Variants in TPRG1 observed in about 807,000 individuals in gnomAD.
The protein encoded by TPRG1 is tumor protein p63-regulated gene 1 protein.
In TPRG1, 29 loss-of-function variants were observed where a neutral mutation model predicts 29.3. That is an observed-to-expected ratio of 0.99 (90% CI 0.74 to 1.35). The LOEUF (loss-of-function observed/expected upper bound fraction) is 1.35. Among genes scored for constraint, TPRG1 ranks in the 40% most tolerant of loss-of-function variants. The probability of loss-of-function intolerance (pLI) is 0.00; values close to 1 mark genes in which losing one functional copy is unlikely to be tolerated. For missense variants in TPRG1, 327 were observed against 335.0 expected (o/e 0.98, Z 0.19); for synonymous variants, 130 against 116.8 (o/e 1.11, Z -0.73).
At chr3:189,056,077 C>G (rs543364535) in intron 4 of TPRG1, among the ~76,000 whole-genome samples, 1 of 135,244 alleles carries the variant, frequency 7.4e-6, no homozygotes, top group African/African-American at 2.8e-5. Flanking sequence ...TCCTTCCTTC[C>G]TTCCTTCCTT....
chr3:189,067,575 C>T (rs1357980448), intron 4 of TPRG1, among the ~76,000 whole-genome samples: 1 of 152,082 alleles, frequency 6.6e-6, no homozygotes, highest in Non-Finnish European at 1.5e-5. Context: ...GGGGAAAAGA[C>T]AGTCTCTTAA....
intron 1 of TPRG1, among the ~76,000 whole-genome samples, chr3:189,119,791 T>C (rs1044240228): frequency 6.6e-6 from 1 of 152,156 alleles, no homozygotes; most frequent in African/African-American, 2.4e-5. Flanking sequence ...CTGAACTGAG[T>C]CAATTAAACC....
chr3:189,127,345 A>T (rs1403621717), intron 2 of TPRG1: 1 of 152,350 alleles, frequency 6.6e-6, no homozygotes, highest in Admixed American at 6.5e-5. Context: ...AAAAACTGGG[A>T]TCCTAAAAGG....
At chr3:189,040,873 G>A (rs894400122) in intron 4 of TPRG1, among the ~76,000 whole-genome samples, 1 of 152,082 alleles carries the variant, frequency 6.6e-6, no homozygotes, top group Non-Finnish European at 1.5e-5. Flanking sequence ...TTGCTCAGAG[G>A]CACTTTTCAG....
upstream of TPRG1, among the ~76,000 whole-genome samples, chr3:189,169,228 G>A (rs1011598304): frequency 8.5e-5 from 13 of 152,134 alleles, no homozygotes; most frequent in Admixed American, 3.3e-4. Flanking sequence ...GCAGTGGAGC[G>A]ATCTTGGCTC....
intron 4 of TPRG1, among the ~76,000 whole-genome samples, chr3:189,285,702 C>G (rs1717945593): frequency 1.3e-5 from 2 of 152,084 alleles, no homozygotes; most frequent in Admixed American, 1.3e-4. Context: ...TGGGTAGTAA[C>G]TCTGTTTTAT....
At chr3:189,072,037 G>A (rs1023767252) in intron 4 of TPRG1, among the ~76,000 whole-genome samples, 5 of 152,186 alleles carry the variant, frequency 3.3e-5, no homozygotes, top group African/African-American at 4.8e-5. Flanking sequence ...TGAAATGTTG[G>A]CCATACTGGG....
chr3:188,998,657 C>T (rs1311074669), intron 1 of TPRG1, among the ~76,000 whole-genome samples: 5 of 152,156 alleles, frequency 3.3e-5, no homozygotes, highest in Admixed American at 6.5e-5. Context: ...AGGAATGAAA[C>T]CCTGTCATTT....
chr3:189,053,158 C>T (rs922295784), intron 4 of TPRG1, among the ~76,000 whole-genome samples: 1 of 152,216 alleles, frequency 6.6e-6, no homozygotes, highest in East Asian at 1.9e-4. Context: ...TAACTTGTGG[C>T]TCCTATATCA....
intron 1 of TPRG1, among the ~76,000 whole-genome samples, chr3:189,180,311 CA>C (rs771328933): frequency 1.3e-5 from 2 of 152,278 alleles, no homozygotes; most frequent in East Asian, 3.9e-4. Flanking sequence ...GACAGTCCCC[CA>C]AAGTCTTAAC....
At chr3:189,193,132 A>ATTTTTTTTTT (rs555964454) in intron 1 of TPRG1, among the ~76,000 whole-genome samples, 32 of 90,242 alleles carry the variant, frequency 3.5e-4, no homozygotes, top group East Asian at 1.2e-3. Context: ...TTGACTTTTA[A>ATTTTTTTTTT]TTTTTTTTTT....
chr3:189,178,542 T>G (rs1729800564), intron 1 of TPRG1, among the ~76,000 whole-genome samples: 2 of 152,146 alleles, frequency 1.3e-5, no homozygotes, highest in South Asian at 4.1e-4. Context: ...GAAATATGCT[T>G]CGTAGAGTTT....
At chr3:189,250,161 C>T (rs914542172) in intron 4 of TPRG1, among the ~76,000 whole-genome samples, 1 of 152,110 alleles carries the variant, frequency 6.6e-6, no homozygotes, top group Non-Finnish European at 1.5e-5. Flanking sequence ...AGATTTGCAA[C>T]CTGTGGTTAG....
intron 1 of TPRG1, among the ~76,000 whole-genome samples, chr3:189,114,051 C>T (rs959829193): frequency 4.9e-4 from 74 of 152,220 alleles, no homozygotes; most frequent in African/African-American, 1.6e-3. Flanking sequence ...TATTTAATCA[C>T]ATTAAAATTT....
intron 1 of TPRG1, among the ~76,000 whole-genome samples, chr3:189,120,656 C>G (rs1185726215): frequency 6.6e-6 from 1 of 152,088 alleles, no homozygotes; most frequent in African/African-American, 2.4e-5. Context: ...GGAAAGTTGT[C>G]CAGAGAAAAG....
intron 4 of TPRG1, 35 bp downstream of exon 4, chr3:189,238,944 A>C: frequency 6.5e-7 from 1 of 1,542,486 alleles, no homozygotes; most frequent in South Asian, 1.2e-5. Flanking sequence ...GAAGTGGTGC[A>C]GCAGGGATGG....
intron 3 of TPRG1, among the ~76,000 whole-genome samples, chr3:189,143,709 T>C (rs138216498): frequency 2.6e-5 from 4 of 152,322 alleles, no homozygotes; most frequent in Admixed American, 2.6e-4. Context: ...GACTTAGGTG[T>C]AGGTGACACT....
intron 4 of TPRG1, among the ~76,000 whole-genome samples, chr3:189,309,325 G>A (rs563973989): frequency 3.3e-5 from 5 of 152,154 alleles, no homozygotes; most frequent in East Asian, 1.9e-4. Flanking sequence ...CAGCATTCCC[G>A]AAGGAATCCT....
At chr3:189,096,418 G>C (rs1320937759), upstream of TPRG1, among the ~76,000 whole-genome samples, 1 of 152,208 alleles carries the variant, frequency 6.6e-6, no homozygotes, top group Admixed American at 6.5e-5. Flanking sequence ...TGTGCTTGTA[G>C]AGCAGCTATA....
Sources: gnomAD v4.1 joint callset for allele counts (sites outside exome capture counted in the v4.1 genomes callset) on GRCh38, gnomAD v4.1.1 for gene constraint, MANE v1.5 for transcripts, NCBI Gene and HGNC (gene_info 2026-07-23, HGNC 2026-07-21) for gene names.